The following ANK2 variants were observed in gnomAD, a reference collection of about 807,000 sequenced individuals.
The protein encoded by ANK2 is ankyrin-2.
ANK2 carries 83 observed loss-of-function variants against 360.5 expected under a neutral mutation model. The ratio of observed to expected loss-of-function variants is 0.23; its 90% CI spans 0.19 to 0.28. The LOEUF is 0.28. Among genes scored for constraint, ANK2 ranks in the 10% least tolerant of loss-of-function variants. ANK2 has a pLI of 1.00. For synonymous variants in ANK2, 1,740 were observed against 1,759.5 expected (o/e 0.99, Z 0.28); for missense variants, 4,201 against 4,795.7 (o/e 0.88, Z 3.66).
the ANK2 span, among the ~76,000 whole-genome samples, chr4:112,792,028 C>CCTTT: frequency 1.4e-5 from 2 of 140,546 alleles, no homozygotes; most frequent in African/African-American, 2.6e-5. Flanking sequence ...TTCAACACAT[C>CCTTT]CTTTCTTTTT....
At chr4:113,233,181 C>A in intron 5 of ANK2, among the ~76,000 whole-genome samples, 1 of 113,616 alleles carries the variant, frequency 8.8e-6, no homozygotes, top group East Asian at 2.9e-4. Context: ...GTCGCCCAGG[C>A]TGGAGTGCAG....
chr4:113,102,230 A>G (rs1375094202), intron 1 of ANK2, among the ~76,000 whole-genome samples: 2 of 152,088 alleles, frequency 1.3e-5, no homozygotes, highest in African/African-American at 2.4e-5. Flanking sequence ...CATGGAAGAT[A>G]TATTTTGGTG....
intron 1 of ANK2, among the ~76,000 whole-genome samples, chr4:113,056,176 C>T (rs1272891124): frequency 6.6e-6 from 1 of 152,160 alleles, no homozygotes; most frequent in Non-Finnish European, 1.5e-5. Context: ...CTTCATGTGG[C>T]TTAGGCATGT....
At chr4:113,190,173 A>AT (rs2098634144) in intron 2 of ANK2, among the ~76,000 whole-genome samples, 1 of 151,848 alleles carries the variant, frequency 6.6e-6, no homozygotes, top group African/African-American at 2.4e-5. Flanking sequence ...TTATTTACTT[A>AT]TTTTGAGGCA....
chr4:112,988,935 G>A (rs2045836560), intron 2 of ANK2, among the ~76,000 whole-genome samples: 1 of 152,104 alleles, frequency 6.6e-6, no homozygotes, highest in Admixed American at 6.5e-5. Flanking sequence ...TTCATGGGAG[G>A]ACACAGATTT....
chr4:113,357,067 A>C lies in ANK2; in HGVS notation c.8449A>C (p.Thr2817Pro). ...IYKESLALQG[T>P]HEKDTEGEEL... ...TAAAGAATCATTAGCTCTCCAAGGC[A>C]CTCATGAAAAAGACACAGAGGGAGA... The change falls in exon 38 of 46, where the codon ACT becomes CCT. Residue 2817 changes from threonine (T) to proline (P), a missense_variant. Coordinates refer to ENST00000357077, the MANE Select transcript of ANK2 (RefSeq NM_001148.6). 1 of 1,614,084 alleles carries C rather than the reference A, an allele frequency of 6.2e-7. No homozygotes were observed. Among genetic ancestry groups the C allele is most frequent in the Non-Finnish European group, 8.5e-7 (1 of 1,179,970 alleles).
intron 37 of ANK2, chr4:113,350,910 C>T (rs1409916361): frequency 6.6e-6 from 1 of 152,062 alleles, no homozygotes; most frequent in Non-Finnish European, 1.5e-5. Flanking sequence ...AATTACTAAT[C>T]ACAACAGCAT....
chr4:112,943,930 A>C (rs558125867), intron 2 of ANK2, among the ~76,000 whole-genome samples: 219 of 152,284 alleles, frequency 1.4e-3, no homozygotes, highest in African/African-American at 5.1e-3. Flanking sequence ...TTATGGATGC[A>C]AACTTAATTT....
At position 113,212,029 on chromosome 4, in the gene ANK2, A is replaced by G. The variant is rs902843937; in HGVS notation, c.384+12920A>G. ...TATGTCTAAAATCCTGAAAAGCGTG[A>G]CAATATTTATTGACAATATTTTATT... On this transcript the variant is annotated intron_variant, in intron 4 of 45. Coordinates refer to ENST00000357077, the MANE Select transcript of ANK2 (RefSeq NM_001148.6). Among the ~76,000 whole-genome samples the G allele has an allele frequency of 1.1e-4, 17 of 152,308 alleles. 1 individual carries two copies. The highest frequency in any genetic ancestry group is 4.1e-4 in the African/African-American group (17 of 41,566).
chr4:112,750,037 C>T, the ANK2 span, among the ~76,000 whole-genome samples: 2 of 152,278 alleles, frequency 1.3e-5, no homozygotes, highest in Non-Finnish European at 2.9e-5. Context: ...AGCCACCGCT[C>T]CTGGCATCTA....
At chr4:113,154,892 C>T (rs756729682) in intron 1 of ANK2, among the ~76,000 whole-genome samples, 4 of 152,178 alleles carry the variant, frequency 2.6e-5, no homozygotes, top group Non-Finnish European at 5.9e-5. Context: ...TACCCATAGA[C>T]ACTGTCAACT....
chr4:112,964,546 T>C (rs2036355720), intron 2 of ANK2, among the ~76,000 whole-genome samples: 1 of 151,986 alleles, frequency 6.6e-6, no homozygotes. Flanking sequence ...CCTTTTTGTA[T>C]ATGTACCACA....
intron 2 of ANK2, among the ~76,000 whole-genome samples, chr4:112,921,457 C>G (rs2091496209): frequency 7.2e-6 from 1 of 138,042 alleles, no homozygotes. Flanking sequence ...TTGTGAGGTA[C>G]TATTCCTCTA....
chr4:112,752,599 G>A, the ANK2 span, among the ~76,000 whole-genome samples: 38 of 151,854 alleles, frequency 2.5e-4, no homozygotes, highest in East Asian at 7.2e-3. Flanking sequence ...GCCCAGGCTG[G>A]GCTCAAGCAG....
chr4:113,043,533 A>G (rs1339905822), intron 2 of ANK2, among the ~76,000 whole-genome samples: 2 of 151,954 alleles, frequency 1.3e-5, no homozygotes, highest in Non-Finnish European at 2.9e-5. Flanking sequence ...GCCCTCCCCA[A>G]AGCACTGGGA....
rs138477714 is a variant in ANK2, at chr4:113,075,155, A to G, written c.84+25343A>G. On this transcript the variant is annotated intron_variant, in intron 1 of 45. Transcript: ENST00000357077. ...AAAGTCTGAGAAGCACTACTTTAGC[A>G]TCTCAATTATTATTACATTATTAGC... Among the ~76,000 whole-genome samples, 1,110 of 152,324 alleles carry G rather than the reference A, an allele frequency of 7.3e-3. 19 individuals carry two copies. The highest frequency in any genetic ancestry group is 0.025 in the African/African-American group (1,039 of 41,574).
chr4:112,983,414 C>T (rs942684021), intron 2 of ANK2, among the ~76,000 whole-genome samples: 8 of 151,146 alleles, frequency 5.3e-5, no homozygotes, highest in African/African-American at 7.3e-5. Context: ...CAGTGGCTCA[C>T]GCCTGTAATT....
chr4:113,378,251 AG>A, intron 45 of ANK2: 1 of 646,060 alleles, frequency 1.5e-6, no homozygotes, highest in Non-Finnish European at 2.4e-6. Flanking sequence ...TAAGAAAAGA[AG>A]GGGAGAATCC....
rs79985362 is a variant in ANK2, at chr4:113,237,766, G to A, written c.693+144G>A. 2,217 of 744,444 alleles carry A rather than the reference G, an allele frequency of 3.0e-3. 41 individuals carry two copies. The African/African-American group carries it at 0.034, about 11-fold the overall frequency. 46.1% of individuals were successfully genotyped at this position (744,444 alleles called of 1,614,324 possible). A position where few individuals can be genotyped will look rare whatever the true frequency, so the allele number is the denominator to read the frequency against. On this transcript the variant is annotated intron_variant, in intron 7 of 45. Transcript: ENST00000357077. The stretch of plus-strand genomic sequence containing the variant: ...TTTGAAAACCTTCCCCATAATGAAG[G>A]CAAACTGATAATTCAAAGATATTTA...
Sources: gnomAD v4.1 joint callset for allele counts (sites outside exome capture counted in the v4.1 genomes callset) on GRCh38, gnomAD v4.1.1 for gene constraint, MANE v1.5 for transcripts, NCBI Gene and HGNC (gene_info 2026-07-23, HGNC 2026-07-21) for gene names.